The following TMEM183A variants were observed in gnomAD, a reference collection of about 807,000 sequenced individuals.
TMEM183A encodes transmembrane protein 183A.
Under a neutral mutation model 46.7 loss-of-function variants are expected in TMEM183A, and 21 were observed. The observed-to-expected ratio is 0.45, with a 90% CI of 0.32 to 0.65. The LOEUF (loss-of-function observed/expected upper bound fraction) is 0.65. TMEM183A is among the 30% of genes least tolerant of loss of function. The pLI is 0.04. For synonymous variants in TMEM183A, 165 were observed against 180.2 expected, an observed-to-expected ratio of 0.92 and a Z score of 0.68; for missense variants, 331 against 481.9, an observed-to-expected ratio of 0.69 and a Z score of 2.93.
intron 1 of TMEM183A, 79 bp from the exon 2 acceptor site, chr1:203,007,695 T>G: frequency 6.3e-7 from 1 of 1,587,784 alleles, no homozygotes; most frequent in African/African-American, 1.3e-5. Flanking sequence ...TCCGGGGGCC[T>G]GCAGCGAGGA....
chr1:203,021,668 C>G (rs1657694402), intron 7 of TMEM183A, among the ~76,000 whole-genome samples: 1 of 152,160 alleles, frequency 6.6e-6, no homozygotes. Flanking sequence ...ACAGGGTGAC[C>G]AGCTCAGCTC....
intron 7 of TMEM183A, among the ~76,000 whole-genome samples, chr1:203,021,861 C>T (rs965939431): frequency 1.3e-5 from 2 of 152,174 alleles, no homozygotes; most frequent in African/African-American, 4.8e-5. Context: ...GGTTCCCCTT[C>T]CACAATGAAA....
At chr1:203,008,894 A>C in intron 3 of TMEM183A, 84 bp downstream of exon 3, 1 of 1,381,808 alleles carries the variant, frequency 7.2e-7, no homozygotes, top group Non-Finnish European at 9.5e-7. Flanking sequence ...GCACAGGAGG[A>C]GATATAAGAC....
rs1657201510 is a variant in TMEM183A at position 203,016,731 on chromosome 1, G to T, written c.708+591G>T. 2.0e-5 allele frequency among the ~76,000 whole-genome samples: 3 copies of T among 152,152 alleles called. No individual in the cohort carries two copies. In the South Asian group the frequency reaches 6.2e-4, roughly 31 times the overall value. ...ACCTTAGTTCTCTCAAGTTCTTTCT[G>T]TGTTCTAGGCTCTTTTTATCTCAGG... On this transcript the variant is annotated intron_variant, in intron 5 of 7. Transcript: ENST00000367242.
rs570303172 is a variant in TMEM183A, at chr1:203,023,462, C to G, written c.*422C>G. ...TGTTGCTTCCAGTTTAGCTGCCCCT[C>G]AAATTCAAGTGAATATTTTCCCTTC... On this transcript the variant is annotated 3_prime_UTR_variant, in exon 8 of 8. Transcript: ENST00000367242. 2 of 153,122 alleles carry G rather than the reference C, an allele frequency of 1.3e-5. No homozygotes were observed. The highest frequency in any genetic ancestry group is 4.8e-5 in the African/African-American group (2 of 41,540). The allele number at this position is 153,122 out of a possible 1,614,324, so 9.5% of individuals were successfully genotyped here.
intron 3 of TMEM183A, among the ~76,000 whole-genome samples, chr1:203,014,278 T>C (rs1656953911): frequency 6.6e-6 from 1 of 152,216 alleles, no homozygotes; most frequent in South Asian, 2.1e-4. Context: ...TAGAGTTGAA[T>C]GATACAACGT....
In TMEM183A at chr1:203,007,410, G is replaced by A. The variant is rs1186541989; in HGVS notation, c.-56G>A. 2.2e-6 allele frequency: 3 copies of A among 1,339,684 alleles called. No homozygotes were observed. Among genetic ancestry groups the A allele is most frequent in the African/African-American group, 1.5e-5 (1 of 64,914 alleles). 83.0% of individuals were successfully genotyped at this position (1,339,684 alleles called of 1,614,324 possible). A position where few individuals can be genotyped will look rare whatever the true frequency, so the allele number is the denominator to read the frequency against. ...TAGCGGCCTCCGGTGTGGGATGGCC[G>A]CGGAGCCGGGCGGAGCTGGCTTGCG... On this transcript the variant is annotated 5_prime_UTR_variant, in exon 1 of 8. Coordinates refer to ENST00000367242, the MANE Select transcript of TMEM183A (RefSeq NM_138391.6).
rs779673859 is a variant in TMEM183A at position 203,023,036 on chromosome 1, C to T, written c.1127C>T (p.Ala376Val). The T allele has an allele frequency of 4.3e-5, 66 of 1,528,424 alleles. No homozygotes were observed. In the African/African-American group the frequency reaches 7.2e-4, roughly 17 times the overall value. The allele number at this position is 1,528,424 out of a possible 1,614,324, so 94.7% of individuals were successfully genotyped here. The change falls in exon 8 of 8, where the codon GCG becomes GTG. Residue 376 changes from alanine to valine, a missense_variant. Around this residue, in one of 2 missense-constraint regions of TMEM183A, gnomAD observed 233 missense variants for 385.8 expected, o/e 0.60. Transcript: ENST00000367242. ...WHPQYPFSLR[A>V] is the part of the protein sequence containing the mutation. ...CCTCAGTACCCATTCTCCCTGAGAG[C>T]GTAGTTACTGCTTCCCATCCCTTGG...
At chr1:203,019,023 A>G (rs1487212283) in intron 6 of TMEM183A, among the ~76,000 whole-genome samples, 5 of 152,172 alleles carry the variant, frequency 3.3e-5, no homozygotes, top group African/African-American at 1.2e-4. Context: ...TCAAATCATA[A>G]CACTAGGCAT....
intron 2 of TMEM183A, 132 bp from the exon 3 acceptor site, chr1:203,008,511 G>T: frequency 1.6e-5 from 10 of 607,292 alleles, no homozygotes; most frequent in South Asian, 8.2e-5. Flanking sequence ...TTTGGTGACA[G>T]ATTCTCACCT....
chr1:203,020,465 T>A (rs530754695), intron 6 of TMEM183A, among the ~76,000 whole-genome samples: 2 of 152,336 alleles, frequency 1.3e-5, no homozygotes, highest in African/African-American at 4.8e-5. Context: ...AGATGTTCTT[T>A]GGAGTCTGAC....
At position 203,022,098 on chromosome 1, in the gene TMEM183A, G is replaced by A. The variant is rs190682028; in HGVS notation, c.946-757G>A. Among the ~76,000 whole-genome samples, 1,383 of 151,874 alleles carry A rather than the reference G, an allele frequency of 9.1e-3. 52 individuals carry two copies. The highest frequency in any genetic ancestry group is 0.069 in the Admixed American group (1,060 of 15,256). On this transcript the variant is annotated intron_variant, in intron 7 of 7. Coordinates refer to ENST00000367242, the MANE Select transcript of TMEM183A (RefSeq NM_138391.6). Reference sequence around the variant, plus strand: ...TTTGTTTTTTTTGAGATGGAGTCTCGCTCTGTAGTCCATGCTGGAGTGCCG... The same window carrying A: ...TTTGTTTTTTTTGAGATGGAGTCTCACTCTGTAGTCCATGCTGGAGTGCCG...
intron 7 of TMEM183A, among the ~76,000 whole-genome samples, chr1:203,022,065 A>C (rs1304274270): frequency 6.6e-6 from 1 of 151,958 alleles, no homozygotes; most frequent in Non-Finnish European, 1.5e-5. Flanking sequence ...TCATATATAC[A>C]GTTTTGTTTT....
Position 203,018,468 on chromosome 1 carries a change from T to G in TMEM183A, c.709-13T>G. On this transcript the variant is annotated splice_polypyrimidine_tract_variant and intron_variant, in intron 5 of 7. Transcript: ENST00000367242. ...TCTTTTTCTTGGTTTATTTTATTTT[T>G]ACTTTCTTATAGTGCTTACTTTTCT... is the stretch of plus-strand genomic sequence containing the variant. 1 of 1,587,316 alleles carries G rather than the reference T, an allele frequency of 6.3e-7. No individual in the cohort carries two copies.
chr1:203,010,112 C>T (rs925419952), intron 3 of TMEM183A, among the ~76,000 whole-genome samples: 49 of 149,606 alleles, frequency 3.3e-4, no homozygotes, highest in Non-Finnish European at 4.0e-4. Context: ...ACATCTCCAG[C>T]CTGGTGACAG....
At chr1:203,021,234 G>A (rs374467695) in intron 7 of TMEM183A, among the ~76,000 whole-genome samples, 11 of 152,092 alleles carry the variant, frequency 7.2e-5, no homozygotes, top group South Asian at 2.1e-4. Context: ...GTCTCACAGC[G>A]TTGCTGAGGC....
chr1:203,014,833 C>T (rs889861745), intron 3 of TMEM183A, 56 bp from the exon 4 acceptor site: 64 of 1,590,996 alleles, frequency 4.0e-5, no homozygotes, highest in South Asian at 9.0e-5. Flanking sequence ...ATGAAATTAT[C>T]GAGTATCTTT....
chr1:203,015,181 A>C, intron 4 of TMEM183A, 133 bp downstream of exon 4: 1 of 1,271,166 alleles, frequency 7.9e-7, no homozygotes, highest in Non-Finnish European at 1.1e-6. Context: ...CCAGCTTTGG[A>C]CTCCTTGAGC....
Position 203,022,768 on chromosome 1 carries a change from A to G in TMEM183A, c.946-87A>G, listed in dbSNP as rs1328478156. 1.9e-6 allele frequency: 3 copies of G among 1,573,234 alleles called. No individual in the cohort carries two copies. In the African/African-American group the frequency reaches 4.0e-5, roughly 21 times the overall value. On this transcript the variant is annotated intron_variant, in intron 7 of 7. Transcript: ENST00000367242. ...TTAATCTTGTGGCCTAGCCAGTATA[A>G]ATTAGTCTGGACTATTTCATTTCAG...
Sources: allele counts gnomAD v4.1 joint callset (sites outside exome capture counted in the v4.1 genomes callset), GRCh38; gene constraint gnomAD v4.1.1; regional missense constraint gnomAD v4.1.1; transcripts MANE v1.5; gene names NCBI Gene and HGNC (gene_info 2026-07-23, HGNC 2026-07-21).